VIPR2: variants seen among roughly 807,000 people sequenced by gnomAD.
VIPR2 encodes vasoactive intestinal peptide receptor 2.
Under a neutral mutation model 58.0 loss-of-function variants are expected in VIPR2, and 48 were observed. The ratio of observed to expected loss-of-function variants is 0.83; its 90% CI spans 0.66 to 1.05. The LOEUF is 1.05. Among genes scored for constraint, VIPR2 ranks in the 50% least tolerant of loss-of-function variants. The pLI, the probability that VIPR2 is intolerant of heterozygous loss-of-function variation, is 0.00. For missense variants in VIPR2, 534 were observed against 558.0 expected (o/e 0.96, Z 0.43); for synonymous variants, 243 against 235.2 (o/e 1.03, Z -0.30).
intron 4 of VIPR2, among the ~76,000 whole-genome samples, chr7:159,089,553 A>G (rs1174017965): frequency 6.6e-6 from 1 of 152,278 alleles, no homozygotes; most frequent in Non-Finnish European, 1.5e-5. Flanking sequence ...AGAGCACAGT[A>G]AGCCCTTAAC....
intron 4 of VIPR2, among the ~76,000 whole-genome samples, chr7:159,091,826 G>A (rs901676520): frequency 4.6e-5 from 7 of 152,222 alleles, no homozygotes; most frequent in South Asian, 4.1e-4. Flanking sequence ...CTGAGCAACC[G>A]CAGTTAGAAA....
At chr7:159,133,352 T>C (rs1797064278) in intron 2 of VIPR2, among the ~76,000 whole-genome samples, 1 of 152,300 alleles carries the variant, frequency 6.6e-6, no homozygotes, top group Non-Finnish European at 1.5e-5. Flanking sequence ...CACAGCTCCT[T>C]TCTGGAGAAA....
At chr7:159,052,729 G>C (rs1259480547) in intron 5 of VIPR2, among the ~76,000 whole-genome samples, 2 of 152,028 alleles carry the variant, frequency 1.3e-5, no homozygotes, top group Non-Finnish European at 2.9e-5. Flanking sequence ...ATGAAAGGTG[G>C]ATTTAACATT....
intron 3 of VIPR2, among the ~76,000 whole-genome samples, chr7:159,108,168 A>T (rs1372932501): frequency 6.6e-6 from 1 of 152,226 alleles, no homozygotes; most frequent in Non-Finnish European, 1.5e-5. Context: ...CTAAGACTCT[A>T]CAGTTATCCC....
intron 4 of VIPR2, among the ~76,000 whole-genome samples, chr7:159,071,272 C>T (rs911264950): frequency 6.6e-6 from 1 of 152,206 alleles, no homozygotes; most frequent in African/African-American, 2.4e-5. Context: ...TCAAGAACTG[C>T]ACAGAGGGTC....
At chr7:159,057,514 C>T (rs1855391815) in intron 5 of VIPR2, among the ~76,000 whole-genome samples, 1 of 152,128 alleles carries the variant, frequency 6.6e-6, no homozygotes, top group African/African-American at 2.4e-5. Flanking sequence ...TTTACACTTC[C>T]AAGTATGGAT....
chr7:159,035,713 A>G, intron 8 of VIPR2: 1 of 985,340 alleles, frequency 1.0e-6, no homozygotes, highest in Non-Finnish European at 1.2e-6. Context: ...GCTTATCCCA[A>G]TCTCAACTAT....
At chr7:159,109,781 G>A (rs1216174753) in intron 3 of VIPR2, 31 bp downstream of exon 3, 5 of 1,596,746 alleles carry the variant, frequency 3.1e-6, no homozygotes, top group Non-Finnish European at 4.3e-6. Flanking sequence ...ACACCCTGGA[G>A]GAGCTCAGGA....
intron 2 of VIPR2, among the ~76,000 whole-genome samples, chr7:159,122,417 T>A (rs1008930047): frequency 6.6e-6 from 1 of 152,190 alleles, no homozygotes; most frequent in East Asian, 1.9e-4. Context: ...GGTCTGGACG[T>A]CATCTCCTGA....
chr7:159,117,899 A>G (rs1796299604), intron 2 of VIPR2, among the ~76,000 whole-genome samples: 1 of 152,238 alleles, frequency 6.6e-6, no homozygotes, highest in South Asian at 2.1e-4. Context: ...GAGACTGGCC[A>G]TCGGCTCGGA....
intron 2 of VIPR2, among the ~76,000 whole-genome samples, chr7:159,130,274 C>T (rs1275651378): frequency 6.6e-6 from 1 of 152,148 alleles, no homozygotes; most frequent in African/African-American, 2.4e-5. Context: ...ACTCAGCCAT[C>T]TTTGTAAAGC....
intron 4 of VIPR2, among the ~76,000 whole-genome samples, chr7:159,080,868 T>C (rs945969149): frequency 3.3e-5 from 5 of 152,110 alleles, no homozygotes; most frequent in African/African-American, 7.2e-5. Flanking sequence ...CCAGTCACAA[T>C]TGCTTCAAAG....
chr7:159,054,928 A>T (rs116864971), intron 5 of VIPR2, among the ~76,000 whole-genome samples: 3,695 of 152,310 alleles, frequency 0.024, 74 homozygotes, highest in Admixed American at 0.051. Flanking sequence ...ATGACCAGTA[A>T]ATATAAGATA....
chr7:159,110,828 T>C (rs750275271), intron 2 of VIPR2, among the ~76,000 whole-genome samples: 33 of 152,192 alleles, frequency 2.2e-4, no homozygotes, highest in Admixed American at 4.6e-4. Flanking sequence ...AAGGAGTGTT[T>C]TACTTTCAAG....
chr7:159,136,467 C>T (rs1243257040), intron 2 of VIPR2, among the ~76,000 whole-genome samples: 1 of 152,038 alleles, frequency 6.6e-6, no homozygotes, highest in East Asian at 1.9e-4. Flanking sequence ...AGAGTCGAAG[C>T]CACCAAGAAT....
At chr7:159,119,831 G>A (rs1796385555) in intron 2 of VIPR2, among the ~76,000 whole-genome samples, 1 of 151,350 alleles carries the variant, frequency 6.6e-6, no homozygotes, top group Admixed American at 6.6e-5. Flanking sequence ...CCTGGTAGGT[G>A]GGGTCGGAAG....
rs898824109 is a variant in VIPR2 at position 159,093,135 on chromosome 7, G to A, written c.357+10622C>T. Among the ~76,000 whole-genome samples the A allele has an allele frequency of 6.6e-6, 1 of 152,212 alleles. No homozygotes were observed. Among genetic ancestry groups the A allele is most frequent in the Admixed American group, 6.5e-5 (1 of 15,284 alleles). ...AGCTGAGAGATGTGGTCCTGCGGGG[G>A]CTGGTGGGGGCAGAAGACATTTCCT... On this transcript the variant is annotated intron_variant, in intron 4 of 12. Transcript: ENST00000262178. This position sits in a 1 kb window ranked among gnomAD's most constrained non-coding sequence, Gnocchi z 6.7.
intron 2 of VIPR2, among the ~76,000 whole-genome samples, chr7:159,131,409 C>T (rs189361266): frequency 6.6e-6 from 1 of 152,190 alleles, no homozygotes; most frequent in Non-Finnish European, 1.5e-5. Flanking sequence ...ATTTCCTCTA[C>T]CTACCCAGAA....
intron 4 of VIPR2, 119 bp from the exon 5 acceptor site, chr7:159,058,697 G>T (rs1159477349): frequency 2.7e-6 from 2 of 730,486 alleles, no homozygotes; most frequent in African/African-American, 3.5e-5. Flanking sequence ...TGCCTGGAAG[G>T]CACGAGATAG....
Sources: gnomAD v4.1 joint callset for allele counts (sites outside exome capture counted in the v4.1 genomes callset) on GRCh38, gnomAD v4.1.1 for gene constraint, Gnocchi (gnomAD v3.1) non-coding constraint, MANE v1.5 for transcripts, NCBI Gene and HGNC (gene_info 2026-07-23, HGNC 2026-07-21) for gene names.